Variants in SNX29 observed in about 807,000 individuals in gnomAD.
SNX29 encodes the protein sorting nexin 29, also known as sorting nexin-29.
SNX29 carries 78 observed loss-of-function variants against 102.1 expected under a neutral mutation model. The ratio of observed to expected loss-of-function variants is 0.76; its 90% confidence interval spans 0.64 to 0.92. The LOEUF is 0.92. SNX29 is among the 40% of genes least tolerant of loss of function. The pLI is 0.00. For missense variants in SNX29, 1,280 were observed against 1,061.7 expected (o/e 1.21, Z -2.86); for synonymous variants, 580 against 414.5 (o/e 1.40, Z -4.85).
intron 14 of SNX29, among the ~76,000 whole-genome samples, chr16:12,266,102 T>A (rs2078919824): frequency 6.6e-6 from 1 of 152,114 alleles, no homozygotes; most frequent in African/African-American, 2.4e-5. Context: ...TTTCTTTTTT[T>A]AAGATAGAGA....
At chr16:12,513,127 A>C (rs1597679495) in intron 19 of SNX29, among the ~76,000 whole-genome samples, 1 of 145,994 alleles carries the variant, frequency 6.8e-6, no homozygotes, top group East Asian at 2.1e-4. Flanking sequence ...CTCCTCTCTG[A>C]CCCTGCCCTC....
Position 11,976,746 on chromosome 16 carries a change from G to A in SNX29, c.-61G>A. 3 of 1,236,012 alleles carry A rather than the reference G, an allele frequency of 2.4e-6. No homozygotes were observed. The highest frequency in any genetic ancestry group is 1.6e-5 in the African/African-American group (1 of 63,374). 76.6% of individuals were successfully genotyped at this position (1,236,012 alleles called of 1,614,324 possible). A position where few individuals can be genotyped will look rare whatever the true frequency, so the allele number is the denominator to read the frequency against. On this transcript the variant is annotated 5_prime_UTR_variant, in exon 1 of 21. Coordinates refer to ENST00000566228, the MANE Select transcript of SNX29 (RefSeq NM_032167.5). ...TGTCTCCCGGCCTGTCTGGAGCTCG[G>A]CAGCCGCAGAAGCGGCAGCGGCGGC... is the stretch of plus-strand genomic sequence containing the variant.
chr16:12,391,048 C>T (rs577315905), intron 16 of SNX29, among the ~76,000 whole-genome samples: 1 of 152,106 alleles, frequency 6.6e-6, no homozygotes, highest in Admixed American at 6.6e-5. Context: ...TGGGATCAGG[C>T]AATCCTTCCA....
chr16:12,370,232 C>CA (rs1555521393), intron 16 of SNX29, among the ~76,000 whole-genome samples: 20 of 151,944 alleles, frequency 1.3e-4, no homozygotes, highest in African/African-American at 4.8e-4. Flanking sequence ...AGAAACAAAA[C>CA]AAAACAAAAA....
intron 20 of SNX29, among the ~76,000 whole-genome samples, chr16:12,560,168 CTTTT>C (rs779079143): frequency 3.3e-4 from 47 of 140,992 alleles, no homozygotes; most frequent in African/African-American, 1.2e-3. Flanking sequence ...GCCTTTCTCA[CTTTT>C]TTTTAATTCA....
chr16:12,512,369 A>ATATATATATATATATATAT lies in SNX29; in HGVS notation c.2179-12333_2179-12332insTATATATATATATATATAT, dbSNP rs2089660367. On this transcript the variant is annotated intron_variant, in intron 19 of 20. Coordinates refer to ENST00000566228, the MANE Select transcript of SNX29 (RefSeq NM_032167.5). ...CGTCCATCATGGAAGGCCCAGGGAA[A>ATATATATATATATATATAT]ATATATATATATATATATATATATA... 1.1e-4 allele frequency among the ~76,000 whole-genome samples: 5 copies of ATATATATATATATATATAT among 43,936 alleles called. 1 individual carries two copies. The highest frequency in any genetic ancestry group is 1.7e-4 in the Non-Finnish European group (4 of 23,760). 28.8% of individuals were successfully genotyped at this position (43,936 alleles called of 152,430 possible). A position where few individuals can be genotyped will look rare whatever the true frequency, so the allele number is the denominator to read the frequency against.
At chr16:11,989,479 A>T (rs1217507650) in intron 1 of SNX29, among the ~76,000 whole-genome samples, 1 of 152,072 alleles carries the variant, frequency 6.6e-6, no homozygotes, top group African/African-American at 2.4e-5. Flanking sequence ...CAGCGCCCTG[A>T]CTTTGGGGGA....
chr16:12,002,900 C>A, intron 2 of SNX29, 91 bp from the exon 3 acceptor site: 1 of 1,465,220 alleles, frequency 6.8e-7, no homozygotes, highest in Non-Finnish European at 9.5e-7. Context: ...CGTGTCCCCT[C>A]CCTGACCCTT....
At chr16:12,056,279 C>T (rs1162808414) in intron 8 of SNX29, among the ~76,000 whole-genome samples, 2 of 152,160 alleles carry the variant, frequency 1.3e-5, no homozygotes, top group Non-Finnish European at 2.9e-5. Context: ...TGAGCCAAGG[C>T]AGCCCCCAGC....
intron 16 of SNX29, among the ~76,000 whole-genome samples, chr16:12,364,142 G>A (rs1193967223): frequency 1.5e-5 from 2 of 137,814 alleles, no homozygotes; most frequent in Non-Finnish European, 3.1e-5. Flanking sequence ...ACAGGTGTGC[G>A]CCACCAAGCC....
chr16:12,573,427 T>A lies in SNX29; in HGVS notation c.*4798T>A, dbSNP rs775810034. The stretch of plus-strand genomic sequence containing the variant: ...AGAGAAGTGAAAAAGAAATCTGGCT[T>A]CCTTAATAAGATAGTTGAGCCTATG... On this transcript the variant is annotated 3_prime_UTR_variant, in exon 21 of 21. Transcript: ENST00000566228. 2 of 223,764 alleles carry A rather than the reference T, an allele frequency of 8.9e-6. No individual in the cohort carries two copies. Among genetic ancestry groups the A allele is most frequent in the African/African-American group, 4.5e-5 (2 of 44,812 alleles). The allele number at this position is 223,764 out of a possible 1,614,324, so 13.9% of individuals were successfully genotyped here.
At chr16:12,514,000 C>T (rs1461408752) in intron 19 of SNX29, among the ~76,000 whole-genome samples, 1 of 152,118 alleles carries the variant, frequency 6.6e-6, no homozygotes, top group Non-Finnish European at 1.5e-5. Context: ...CCAGGCGTCC[C>T]CCGTTATAAA....
chr16:12,514,666 A>C (rs1597687789), intron 19 of SNX29, among the ~76,000 whole-genome samples: 1 of 152,110 alleles, frequency 6.6e-6, no homozygotes, highest in Non-Finnish European at 1.5e-5. Flanking sequence ...GGAGTTCGAG[A>C]CCAGCCTGGC....
At position 12,570,800 on chromosome 16, in the gene SNX29, G is replaced by C. The variant is rs184547348; in HGVS notation, c.*2171G>C. The C allele has an allele frequency of 4.3e-6, 1 of 232,594 alleles. No individual in the cohort carries two copies. Among genetic ancestry groups the C allele is most frequent in the Non-Finnish European group, 8.5e-6 (1 of 117,620 alleles). The allele number at this position is 232,594 out of a possible 1,614,324, so 14.4% of individuals were successfully genotyped here. ...TAATGCAACAGTCCCCCATTGCTGA[G>C]AGATACTAACCCGTGAGAAACAAGT... On this transcript the variant is annotated 3_prime_UTR_variant, in exon 21 of 21. Coordinates refer to ENST00000566228, the MANE Select transcript of SNX29 (RefSeq NM_032167.5).
At chr16:12,240,566 T>C (rs2968357) in intron 14 of SNX29, among the ~76,000 whole-genome samples, 1 of 148,964 alleles carries the variant, frequency 6.7e-6, no homozygotes, top group Non-Finnish European at 1.5e-5. Context: ...ACTTATAAAA[T>C]AGCATTTCTT....
At chr16:12,142,171 A>C (rs775529337) in intron 13 of SNX29, among the ~76,000 whole-genome samples, 2 of 152,160 alleles carry the variant, frequency 1.3e-5, no homozygotes, top group African/African-American at 2.4e-5. Flanking sequence ...CCTTGTCTAG[A>C]GACTGGATCC....
rs142988954 is a variant in SNX29, at chr16:12,338,698, C to T, written c.1783-17465C>T. Among the ~76,000 whole-genome samples, 363 of 152,316 alleles carry T rather than the reference C, an allele frequency of 2.4e-3. 1 individual carries two copies. The highest frequency in any genetic ancestry group is 8.5e-3 in the African/African-American group (355 of 41,568). On this transcript the variant is annotated intron_variant, in intron 15 of 20. Coordinates refer to ENST00000566228, the MANE Select transcript of SNX29 (RefSeq NM_032167.5). ...CAGAAATGGCTAGCTTGATAAGGGACATCATCCTTGACCTGTTGCCTTCCT... is the reference window on the plus strand; with the variant it reads ...CAGAAATGGCTAGCTTGATAAGGGATATCATCCTTGACCTGTTGCCTTCCT...
intron 18 of SNX29, among the ~76,000 whole-genome samples, chr16:12,463,921 C>T (rs2086932524): frequency 6.6e-6 from 1 of 150,694 alleles, no homozygotes; most frequent in East Asian, 2.0e-4. Context: ...TATTGTTAGC[C>T]AGAGTCCCCA....
chr16:12,517,536 T>C (rs542272565), intron 19 of SNX29, among the ~76,000 whole-genome samples: 12 of 152,340 alleles, frequency 7.9e-5, no homozygotes, highest in African/African-American at 2.9e-4. Context: ...TCCAGGCCAT[T>C]CTTCCTATGG....
Sources: gnomAD v4.1 joint callset for allele counts (sites outside exome capture counted in the v4.1 genomes callset) on GRCh38, gnomAD v4.1.1 for gene constraint, MANE v1.5 for transcripts, NCBI Gene and HGNC (gene_info 2026-07-23, HGNC 2026-07-21) for gene names.